PDE1A: variants seen among roughly 807,000 people sequenced by gnomAD.
PDE1A encodes the protein dual specificity calcium/calmodulin-dependent 3',5'-cyclic nucleotide phosphodiesterase 1A.
PDE1A carries 35 observed loss-of-function variants against 61.7 expected under a neutral mutation model. The ratio of observed to expected loss-of-function variants is 0.57; its 90% confidence interval spans 0.43 to 0.75. The LOEUF is 0.75. Among genes scored for constraint, PDE1A ranks in the 30% least tolerant of loss-of-function variants. The pLI is 0.00. For missense variants in PDE1A, 597 were observed against 630.6 expected, an observed-to-expected ratio of 0.95 and a Z score of 0.57; for synonymous variants, 232 against 213.2, an observed-to-expected ratio of 1.09 and a Z score of -0.77.
chr2:182,707,756 A>G, the PDE1A span, among the ~76,000 whole-genome samples: 1 of 152,234 alleles, frequency 6.6e-6, no homozygotes, highest in African/African-American at 2.4e-5. Flanking sequence ...GGAGAAGAGT[A>G]CACTTCCTGA....
intron 1 of PDE1A, among the ~76,000 whole-genome samples, chr2:182,373,429 T>C (rs1218225968): frequency 6.6e-6 from 1 of 152,288 alleles, no homozygotes; most frequent in East Asian, 1.9e-4. Context: ...TACAACCACA[T>C]ATCTTAGGTT....
At chr2:182,226,891 C>G (rs1199418032) in intron 6 of PDE1A, among the ~76,000 whole-genome samples, 1 of 151,892 alleles carries the variant, frequency 6.6e-6, no homozygotes, top group East Asian at 1.9e-4. Context: ...TGTATTATAA[C>G]AGAAACAAAG....
chr2:182,672,342 T>G, the PDE1A span, among the ~76,000 whole-genome samples: 5 of 152,218 alleles, frequency 3.3e-5, no homozygotes, highest in Non-Finnish European at 7.3e-5. Context: ...TACCATTACT[T>G]TTAATGCAAA....
At chr2:182,710,239 CAAAT>C in the PDE1A span, among the ~76,000 whole-genome samples, 1 of 152,114 alleles carries the variant, frequency 6.6e-6, no homozygotes, top group African/African-American at 2.4e-5. Context: ...ATTTAATTGA[CAAAT>C]AAAAACTGTG....
At position 182,282,940 on chromosome 2, in the gene PDE1A, G is replaced by C. The variant is rs538031891; in HGVS notation, c.54-18526C>G. Among the ~76,000 whole-genome samples the C allele has an allele frequency of 7.9e-5, 12 of 152,018 alleles. No individual in the cohort carries two copies. The South Asian group carries it at 2.3e-3, about 29-fold the overall frequency. On this transcript the variant is annotated intron_variant, in intron 1 of 13. Coordinates refer to ENST00000351439, the Ensembl canonical transcript of PDE1A. Reference sequence around the variant, plus strand: ...AGAACCTGTGCATAGCCATACTGTTGAATCACAGAAGAGGCATGTCTAAAA... The same window carrying C: ...AGAACCTGTGCATAGCCATACTGTTCAATCACAGAAGAGGCATGTCTAAAA...
intron 2 of PDE1A, among the ~76,000 whole-genome samples, chr2:182,433,693 C>T (rs1381569511): frequency 1.3e-5 from 2 of 152,008 alleles, no homozygotes; most frequent in Non-Finnish European, 2.9e-5. Context: ...CTTTCTTATT[C>T]ATTTCATTGG....
At chr2:182,300,796 T>G (rs1035297304) in intron 1 of PDE1A, among the ~76,000 whole-genome samples, 2 of 152,224 alleles carry the variant, frequency 1.3e-5, no homozygotes, top group Admixed American at 1.3e-4. Context: ...TTTGTTTTTC[T>G]TGGCTATTAC....
chr2:182,700,509 G>T, the PDE1A span, among the ~76,000 whole-genome samples: 4 of 151,684 alleles, frequency 2.6e-5, no homozygotes, highest in African/African-American at 7.3e-5. Context: ...GGCTCACAAG[G>T]TCAGGAGATC....
chr2:182,285,550 T>G (rs1284337379), intron 1 of PDE1A, among the ~76,000 whole-genome samples: 1 of 152,128 alleles, frequency 6.6e-6, no homozygotes, highest in Non-Finnish European at 1.5e-5. Flanking sequence ...GAGAAAAAAC[T>G]GAGAGAGTAG....
At chr2:182,514,143 A>C (rs1204221450) in intron 2 of PDE1A, among the ~76,000 whole-genome samples, 1 of 152,180 alleles carries the variant, frequency 6.6e-6, no homozygotes, top group African/African-American at 2.4e-5. Flanking sequence ...GATTTCTACA[A>C]CAAGAATTAC....
chr2:182,283,454 C>A (rs1693952528), intron 1 of PDE1A, among the ~76,000 whole-genome samples: 1 of 151,854 alleles, frequency 6.6e-6, no homozygotes, highest in African/African-American at 2.4e-5. Flanking sequence ...GACTTGGTGG[C>A]AGCCTTCATT....
chr2:182,294,780 A>G (rs1694763063), intron 1 of PDE1A, among the ~76,000 whole-genome samples: 1 of 152,256 alleles, frequency 6.6e-6, no homozygotes, highest in South Asian at 2.1e-4. Flanking sequence ...AAAGAGTAAT[A>G]ATCAAGCAGT....
the PDE1A span, among the ~76,000 whole-genome samples, chr2:182,612,973 T>C: frequency 6.6e-6 from 1 of 152,234 alleles, no homozygotes; most frequent in African/African-American, 2.4e-5. Context: ...ATATGAGTTC[T>C]TTTACTCACA....
At chr2:182,353,684 T>C (rs559809173) in intron 1 of PDE1A, among the ~76,000 whole-genome samples, 2 of 152,192 alleles carry the variant, frequency 1.3e-5, no homozygotes, top group Non-Finnish European at 2.9e-5. Flanking sequence ...ATTTGTAATA[T>C]AAAAACCTAT....
intron 1 of PDE1A, among the ~76,000 whole-genome samples, chr2:182,323,019 CATAAT>C (rs528546288): frequency 1.9e-4 from 29 of 152,068 alleles, no homozygotes; most frequent in Non-Finnish European, 3.4e-4. Context: ...GAGTGTTATA[CATAAT>C]ATAACTATTC....
chr2:182,537,368 A>C, the PDE1A span, among the ~76,000 whole-genome samples: 2 of 152,170 alleles, frequency 1.3e-5, no homozygotes, highest in African/African-American at 2.4e-5. Flanking sequence ...TGAAGCTGGA[A>C]ACCATTATTC....
chr2:182,295,057 CTTTTTTTTTTTT>C (rs11420821), intron 1 of PDE1A, among the ~76,000 whole-genome samples: 6 of 59,370 alleles, frequency 1.0e-4, no homozygotes, highest in South Asian at 8.5e-4. Context: ...AAAAGGTAAT[CTTTTTTTTTTTT>C]TTTTTTTTTT....
chr2:182,412,098 G>C (rs963338351), intron 1 of PDE1A, among the ~76,000 whole-genome samples: 1 of 150,682 alleles, frequency 6.6e-6, no homozygotes, highest in Non-Finnish European at 1.5e-5. Context: ...AAAATGTTAA[G>C]TGTTGGAGTC....
the PDE1A span, among the ~76,000 whole-genome samples, chr2:182,661,197 A>G: frequency 1.3e-5 from 2 of 152,194 alleles, no homozygotes; most frequent in South Asian, 4.1e-4. Context: ...CAGAGATTAA[A>G]AAGATTCTTA....
Sources: gnomAD v4.1 joint callset for allele counts (sites outside exome capture counted in the v4.1 genomes callset) on GRCh38, gnomAD v4.1.1 for gene constraint, MANE v1.5 for transcripts, NCBI Gene and HGNC (gene_info 2026-07-23, HGNC 2026-07-21) for gene names.